ACOXL: variants seen among roughly 807,000 people sequenced by gnomAD.
ACOXL encodes acyl-coenzyme A oxidase-like protein.
A neutral mutation model predicts 71.9 loss-of-function variants in ACOXL; 70 were observed. The ratio of observed to expected loss-of-function variants is 0.97; its 90% CI spans 0.80 to 1.19. ACOXL has a LOEUF of 1.19. Ranked by LOEUF, ACOXL falls within the 50% of genes most tolerant of loss-of-function variation. The probability of loss-of-function intolerance (pLI) is 0.00; values close to 1 mark genes in which losing one functional copy is unlikely to be tolerated. For missense variants in ACOXL, 703 were observed against 736.3 expected (o/e 0.95, Z 0.52); for synonymous variants, 253 against 281.6 (o/e 0.90, Z 1.02).
intron 16 of ACOXL, among the ~76,000 whole-genome samples, chr2:111,056,560 G>A (rs933493611): frequency 2.0e-5 from 3 of 152,016 alleles, no homozygotes; most frequent in African/African-American, 7.3e-5. Flanking sequence ...AGGCTGAGGT[G>A]GGTGGATCAT....
At chr2:111,042,961 T>C (rs3789074) in intron 15 of ACOXL, among the ~76,000 whole-genome samples, 59,511 of 152,066 alleles carry the variant, frequency 0.39, 13,135 homozygotes, top group African/African-American at 0.61. Context: ...AGTGGCCCAT[T>C]GCCATCCTGG....
chr2:111,101,590 A>G (rs918517250), intron 17 of ACOXL, among the ~76,000 whole-genome samples: 1 of 151,636 alleles, frequency 6.6e-6, no homozygotes, highest in African/African-American at 2.4e-5. Flanking sequence ...GGGAAGAGAG[A>G]TGGGGTTTCT....
chr2:110,869,525 C>G (rs752989812), intron 10 of ACOXL, among the ~76,000 whole-genome samples: 1 of 152,174 alleles, frequency 6.6e-6, no homozygotes, highest in African/African-American at 2.4e-5. Context: ...CTCCTGCTCC[C>G]AGGGGCACAT....
chr2:110,990,283 G>C (rs2063120169), intron 13 of ACOXL, among the ~76,000 whole-genome samples: 1 of 151,870 alleles, frequency 6.6e-6, no homozygotes, highest in Non-Finnish European at 1.5e-5. Context: ...ATTTATTACT[G>C]GTTACTTTAT....
chr2:111,084,998 G>C (rs779277185), intron 16 of ACOXL, among the ~76,000 whole-genome samples: 1 of 151,222 alleles, frequency 6.6e-6, no homozygotes, highest in Non-Finnish European at 1.5e-5. Flanking sequence ...ATTACACAAT[G>C]ATAAATGATT....
chr2:111,009,753 A>G (rs1043082431), intron 14 of ACOXL, among the ~76,000 whole-genome samples: 3 of 152,124 alleles, frequency 2.0e-5, no homozygotes, highest in Non-Finnish European at 4.4e-5. Flanking sequence ...GAACTCAACT[A>G]TTGCCCACCA....
intron 17 of ACOXL, among the ~76,000 whole-genome samples, chr2:111,095,714 A>G (rs2068767581): frequency 6.6e-6 from 1 of 152,112 alleles, no homozygotes. Context: ...TTACAGTGCC[A>G]CATGCTTTCC....
chr2:110,817,001 AG>A (rs1400565491), intron 9 of ACOXL, among the ~76,000 whole-genome samples: 7 of 152,190 alleles, frequency 4.6e-5, no homozygotes. Context: ...GGCTTATTCC[AG>A]CCCCAGGTGT....
chr2:111,015,054 A>G lies in ACOXL; in HGVS notation c.1282-16573A>G, dbSNP rs868321067. Among the ~76,000 whole-genome samples the G allele has an allele frequency of 1.2e-4, 19 of 152,354 alleles. 1 individual carries two copies. In the Middle Eastern group the frequency reaches 0.01, roughly 82 times the overall value. ...AGGAGAATATCTTTGGGAAGTTGGC[A>G]TAAACTGAGATTTCTCAAAAAGACA... On this transcript the variant is annotated intron_variant, in intron 14 of 17. Coordinates refer to ENST00000439055, the MANE Select transcript of ACOXL (RefSeq NM_001142807.4).
At chr2:111,001,676 C>G (rs915373275) in intron 14 of ACOXL, among the ~76,000 whole-genome samples, 4 of 152,172 alleles carry the variant, frequency 2.6e-5, no homozygotes, top group African/African-American at 9.7e-5. Context: ...CTGTCCCGTC[C>G]CACCATTATA....
intron 17 of ACOXL, among the ~76,000 whole-genome samples, chr2:111,110,434 A>C (rs1165650328): frequency 6.6e-6 from 1 of 152,214 alleles, no homozygotes; most frequent in Non-Finnish European, 1.5e-5. Flanking sequence ...ACAAGGATAC[A>C]TGGGACCATG....
At chr2:110,847,442 G>T (rs1692052301) in intron 10 of ACOXL, among the ~76,000 whole-genome samples, 1 of 152,172 alleles carries the variant, frequency 6.6e-6, no homozygotes, top group African/African-American at 2.4e-5. Context: ...TCGTGAAAGT[G>T]GAGGATGAGA....
At chr2:111,116,468 C>T (rs1356750515) in intron 17 of ACOXL, among the ~76,000 whole-genome samples, 1 of 152,160 alleles carries the variant, frequency 6.6e-6, no homozygotes, top group Non-Finnish European at 1.5e-5. Context: ...CCTCCACCTT[C>T]CTCCTTGGGA....
At chr2:110,998,779 G>A (rs1352834234) in intron 14 of ACOXL, among the ~76,000 whole-genome samples, 1 of 152,146 alleles carries the variant, frequency 6.6e-6, no homozygotes, top group African/African-American at 2.4e-5. Context: ...TCCCACCTCT[G>A]GAAAGTGGGG....
chr2:110,965,706 C>G (rs2061895100), intron 12 of ACOXL, among the ~76,000 whole-genome samples: 1 of 152,172 alleles, frequency 6.6e-6, no homozygotes, highest in South Asian at 2.1e-4. Flanking sequence ...ACAGATTTTC[C>G]TCTTCACAGT....
chr2:111,108,369 A>ATCTTTT (rs2069695612), intron 17 of ACOXL, among the ~76,000 whole-genome samples: 1 of 62,082 alleles, frequency 1.6e-5, no homozygotes, highest in Non-Finnish European at 3.3e-5. Flanking sequence ...AAGTGCATGA[A>ATCTTTT]TCTTTTTTTT....
At chr2:111,029,450 C>T (rs1561476) in intron 14 of ACOXL, among the ~76,000 whole-genome samples, 134,468 of 152,308 alleles carry the variant, frequency 0.88, 59,506 homozygotes, top group Middle Eastern at 0.98. Context: ...CCTTCTGATG[C>T]GTTCATTTTG....
At chr2:110,752,251 A>T (rs1420525147) in intron 1 of ACOXL, among the ~76,000 whole-genome samples, 1 of 152,084 alleles carries the variant, frequency 6.6e-6, no homozygotes, top group Non-Finnish European at 1.5e-5. Flanking sequence ...CAGGTTATCC[A>T]TCTGCCTTGG....
intron 10 of ACOXL, among the ~76,000 whole-genome samples, chr2:110,843,820 A>T (rs1008495300): frequency 6.6e-6 from 1 of 152,240 alleles, no homozygotes; most frequent in Non-Finnish European, 1.5e-5. Flanking sequence ...GCAATTAACA[A>T]ATATCATGGA....
Sources: gnomAD v4.1 joint callset for allele counts (sites outside exome capture counted in the v4.1 genomes callset) on GRCh38, gnomAD v4.1.1 for gene constraint, MANE v1.5 for transcripts, NCBI Gene and HGNC (gene_info 2026-07-23, HGNC 2026-07-21) for gene names.